KIRREL3: variants seen among roughly 807,000 people sequenced by gnomAD.
KIRREL3 encodes kin of IRRE-like protein 3.
In KIRREL3, 36 loss-of-function variants were observed where a neutral mutation model predicts 89.7. The ratio of observed to expected loss-of-function variants is 0.40; its 90% CI spans 0.31 to 0.53. The LOEUF is 0.53. Among genes scored for constraint, KIRREL3 ranks in the 20% least tolerant of loss-of-function variants. The probability of loss-of-function intolerance (pLI) is 0.49; values close to 1 mark genes in which losing one functional copy is unlikely to be tolerated. For missense variants in KIRREL3, 864 were observed against 1,056.6 expected (o/e 0.82, Z 2.53); for synonymous variants, 445 against 441.4 (o/e 1.01, Z -0.10).
chr11:126,975,906 T>TCCTCCCTCCCTTCCTCCCTCCCTC (rs1949556243), intron 1 of KIRREL3, among the ~76,000 whole-genome samples: 1 of 56,336 alleles, frequency 1.8e-5, no homozygotes, highest in Admixed American at 2.2e-4. Flanking sequence ...CTCCCTCCCT[T>TCCTCCCTCCCTTCCTCCCTCCCTC]CCTCCCTCCC....
At chr11:126,907,239 C>T (rs1946624080) in intron 1 of KIRREL3, among the ~76,000 whole-genome samples, 1 of 152,208 alleles carries the variant, frequency 6.6e-6, no homozygotes, top group Non-Finnish European at 1.5e-5. Context: ...GCTCCAGGTG[C>T]CTCCCAAGTC....
chr11:126,688,612 T>C (rs545486638), intron 1 of KIRREL3, among the ~76,000 whole-genome samples: 1 of 152,346 alleles, frequency 6.6e-6, no homozygotes, highest in African/African-American at 2.4e-5. Flanking sequence ...CTGGATTGGT[T>C]GGGCCTTTAT....
chr11:126,495,081 C>T lies in KIRREL3; in HGVS notation c.434-21615G>A, dbSNP rs569543214. 6.6e-6 allele frequency among the ~76,000 whole-genome samples: 1 copy of T among 152,166 alleles called. No individual in the cohort carries two copies. Among genetic ancestry groups the T allele is most frequent in the East Asian group, 1.9e-4 (1 of 5,188 alleles). ...AGTGGGCACTGAGCACTTAGCTGGC[C>T]CCTCTTAGGCCCTGACCTCCAGGCA... is the stretch of plus-strand genomic sequence containing the variant. On this transcript the variant is annotated intron_variant, in intron 4 of 16. Coordinates refer to ENST00000525144, the MANE Select transcript of KIRREL3 (RefSeq NM_032531.4). The surrounding 1 kb of genome is among the most constrained non-coding windows in gnomAD (Gnocchi z 6.5).
rs546316751 is a variant in KIRREL3, at chr11:126,878,386, G to C, written c.55+122069C>G. Among the ~76,000 whole-genome samples, 147 of 152,170 alleles carry C rather than the reference G, an allele frequency of 9.7e-4. 3 individuals carry two copies. In the South Asian group the frequency reaches 0.028, roughly 29 times the overall value. ...GTTGCATTTCTAAGCAAGATGTCCA[G>C]TATTTTTACTCCTGGGGGAGGGAGC... On this transcript the variant is annotated intron_variant, in intron 1 of 16. Coordinates refer to ENST00000525144, the MANE Select transcript of KIRREL3 (RefSeq NM_032531.4).
intron 1 of KIRREL3, among the ~76,000 whole-genome samples, chr11:126,887,753 A>G (rs1213064206): frequency 6.6e-6 from 1 of 152,260 alleles, no homozygotes; most frequent in Non-Finnish European, 1.5e-5. Flanking sequence ...GCAGGATCTC[A>G]TCTCTACTCA....
chr11:127,000,643 T>C lies in KIRREL3; in HGVS notation c.-134A>G. ...TACCATCTGTCCGTCCGTGGGTCCC[T>C]CCGGGTGGCTTCGGTCTCTTTGTGC... is the stretch of plus-strand genomic sequence containing the variant. On this transcript the variant is annotated 5_prime_UTR_variant, in exon 1 of 17. Coordinates refer to ENST00000525144, the MANE Select transcript of KIRREL3 (RefSeq NM_032531.4). This position sits in a 1 kb window ranked among gnomAD's most constrained non-coding sequence, Gnocchi z 7.1. The C allele has an allele frequency of 2.4e-6, 2 of 832,736 alleles. No homozygotes were observed. Among genetic ancestry groups the C allele is most frequent in the Non-Finnish European group, 1.9e-6 (1 of 531,250 alleles). The allele number at this position is 832,736 out of a possible 1,614,324, so 51.6% of individuals were successfully genotyped here.
At position 126,918,216 on chromosome 11, in the gene KIRREL3, C is replaced by T. The variant is rs1056041115; in HGVS notation, c.55+82239G>A. ...CCTACTCGCTCATCATGGTGCTTCC[C>T]TCCCATGTGTGTGTCCATTTGGGCC... On this transcript the variant is annotated intron_variant, in intron 1 of 16. Transcript: ENST00000525144. This position sits in a 1 kb window ranked among gnomAD's most constrained non-coding sequence, Gnocchi z 6.5. 4.1e-4 allele frequency among the ~76,000 whole-genome samples: 63 copies of T among 152,184 alleles called. 4 individuals are homozygous for T. Among genetic ancestry groups the T allele is most frequent in the Admixed American group, 3.9e-4 (6 of 15,288 alleles).
In KIRREL3 at chr11:126,424,742, C is replaced by T. The variant is rs368185649; in HGVS notation, c.2175G>A (p.Thr725=). ...TGCTGCTGACGCTGCTGTCACACTGCGTGTCCAGGAAGGAGCTGCTGTCGC... is the reference window on the plus strand; with the variant it reads ...TGCTGCTGACGCTGCTGTCACACTGTGTGTCCAGGAAGGAGCTGCTGTCGC... The part of the protein sequence containing the change: ...SLSDSSSFLD[T]QCDSSVSSSG... The change falls in exon 17 of 17, where the codon ACG becomes ACA. Residue 725 remains threonine, a synonymous_variant. Coordinates refer to ENST00000525144, the MANE Select transcript of KIRREL3 (RefSeq NM_032531.4). 95 of 1,614,034 alleles carry T rather than the reference C, an allele frequency of 5.9e-5. No individual in the cohort carries two copies. The South Asian group carries it at 8.5e-4, about 14-fold the overall frequency.
At chr11:126,980,804 T>C (rs933364053) in intron 1 of KIRREL3, among the ~76,000 whole-genome samples, 4 of 152,158 alleles carry the variant, frequency 2.6e-5, no homozygotes, top group African/African-American at 9.7e-5. Context: ...TTTAGAATGT[T>C]GTTTTAAAAG....
At chr11:126,665,172 G>C (rs983556382) in intron 1 of KIRREL3, among the ~76,000 whole-genome samples, 59 of 152,230 alleles carry the variant, frequency 3.9e-4, no homozygotes, top group African/African-American at 1.3e-3. Context: ...TCCATGTGTG[G>C]AAAAACAGAG....
rs530240192 is a variant in KIRREL3 at position 126,948,350 on chromosome 11, C to T, written c.55+52105G>A. Among the ~76,000 whole-genome samples the T allele has an allele frequency of 4.6e-5, 7 of 152,098 alleles. No homozygotes were observed. The highest frequency in any genetic ancestry group is 1.2e-4 in the African/African-American group (5 of 41,510). On this transcript the variant is annotated intron_variant, in intron 1 of 16. Transcript: ENST00000525144. This position sits in a 1 kb window ranked among gnomAD's most constrained non-coding sequence, Gnocchi z 4.5. Reference sequence around the variant, plus strand: ...ACTTTATAGAGGGATCTCAGTACAACGGAGAACTCAGGGGAACCTAGGTCC... The same window carrying T: ...ACTTTATAGAGGGATCTCAGTACAATGGAGAACTCAGGGGAACCTAGGTCC...
At chr11:126,613,247 G>A (rs577988389) in intron 1 of KIRREL3, among the ~76,000 whole-genome samples, 1 of 152,110 alleles carries the variant, frequency 6.6e-6, no homozygotes, top group African/African-American at 2.4e-5. Context: ...TCAGAAACTG[G>A]CTGTGGATCC....
Position 126,562,428 on chromosome 11 carries a change from A to G in KIRREL3, c.133+407T>C, listed in dbSNP as rs1406627392. Among the ~76,000 whole-genome samples the G allele has an allele frequency of 2.0e-5, 3 of 152,194 alleles. No individual in the cohort carries two copies. The highest frequency in any genetic ancestry group is 4.4e-5 in the Non-Finnish European group (3 of 68,030). On this transcript the variant is annotated intron_variant, in intron 2 of 16. Coordinates refer to ENST00000525144, the MANE Select transcript of KIRREL3 (RefSeq NM_032531.4). This position sits in a 1 kb window ranked among gnomAD's most constrained non-coding sequence, Gnocchi z 4.7. ...CTTTGGTATTCTCCTAAGTGCCTGT[A>G]TAGTGCTGTTTATTCAACAGGCATT...
Position 126,429,570 on chromosome 11 carries a change from C to G in KIRREL3, c.1697-282G>C, listed in dbSNP as rs919247512. On this transcript the variant is annotated intron_variant, in intron 14 of 16. Transcript: ENST00000525144. This position sits in a 1 kb window ranked among gnomAD's most constrained non-coding sequence, Gnocchi z 5.2. Reference sequence around the variant, plus strand: ...GAAAGATCGTCTTCAGCCACTTGTCCGCCTTACTGAGCTAGGTCCTTTTCA... The same window carrying G: ...GAAAGATCGTCTTCAGCCACTTGTCGGCCTTACTGAGCTAGGTCCTTTTCA... Among the ~76,000 whole-genome samples the G allele has an allele frequency of 6.6e-6, 1 of 152,230 alleles. No homozygotes were observed.
chr11:126,858,013 T>G (rs186428474), intron 1 of KIRREL3, among the ~76,000 whole-genome samples: 68 of 152,286 alleles, frequency 4.5e-4, no homozygotes, highest in Non-Finnish European at 6.6e-4. Context: ...GCTTACCACT[T>G]TAACATGCTG....
chr11:126,971,432 G>C (rs2135214793), intron 1 of KIRREL3, among the ~76,000 whole-genome samples: 2 of 152,298 alleles, frequency 1.3e-5, no homozygotes, highest in Non-Finnish European at 2.9e-5. Flanking sequence ...ACCACTGGGA[G>C]CTGGACAGGG....
Position 126,497,975 on chromosome 11 carries a change from T to C in KIRREL3, c.433+23340A>G, listed in dbSNP as rs368931804. Among the ~76,000 whole-genome samples, 816 of 124,254 alleles carry C rather than the reference T, an allele frequency of 6.6e-3. 5 individuals carry two copies. Among genetic ancestry groups the C allele is most frequent in the African/African-American group, 0.022 (734 of 33,120 alleles). 81.5% of individuals were successfully genotyped at this position (124,254 alleles called of 152,430 possible). A position where few individuals can be genotyped will look rare whatever the true frequency, so the allele number is the denominator to read the frequency against. On this transcript the variant is annotated intron_variant, in intron 4 of 16. Coordinates refer to ENST00000525144, the MANE Select transcript of KIRREL3 (RefSeq NM_032531.4). ...AATACACACAGCCCCTTCCTAACCT[T>C]CCTAGGCCCTGCAGATAAGTGAGTC...
intron 1 of KIRREL3, among the ~76,000 whole-genome samples, chr11:126,637,635 G>A (rs907184065): frequency 6.6e-6 from 1 of 152,198 alleles, no homozygotes; most frequent in African/African-American, 2.4e-5. Context: ...TGTCTGGGCT[G>A]ATGAAATCTA....
intron 1 of KIRREL3, among the ~76,000 whole-genome samples, chr11:126,861,458 C>G (rs1250053070): frequency 6.6e-6 from 1 of 152,258 alleles, no homozygotes; most frequent in East Asian, 1.9e-4. Context: ...CCTCTACCCT[C>G]TAACCCCTTG....
Sources: allele counts gnomAD v4.1 joint callset (sites outside exome capture counted in the v4.1 genomes callset), GRCh38; gene constraint gnomAD v4.1.1; non-coding constraint Gnocchi (gnomAD v3.1); transcripts MANE v1.5; gene names NCBI Gene and HGNC (gene_info 2026-07-23, HGNC 2026-07-21).